The following C2CD5 variants were observed in gnomAD, a reference collection of about 807,000 sequenced individuals.
C2CD5 encodes the protein C2 domain-containing protein 5.
C2CD5 carries 109 observed loss-of-function variants against 130.3 expected under a neutral mutation model. The ratio of observed to expected loss-of-function variants is 0.84; its 90% confidence interval spans 0.72 to 0.98. The LOEUF is 0.98. C2CD5 is among the 50% of genes least tolerant of loss of function. The pLI is 0.00. For missense variants in C2CD5, 996 were observed against 1,261.8 expected (o/e 0.79, Z 3.19); for synonymous variants, 454 against 429.2 (o/e 1.06, Z -0.71).
chr12:22,460,603 G>A (rs1000942673), intron 22 of C2CD5: 2 of 151,884 alleles, frequency 1.3e-5, no homozygotes, highest in African/African-American at 2.4e-5. Context: ...TTGAGACGGA[G>A]TTTTCGTCTT....
intron 10 of C2CD5, chr12:22,497,518 G>A (rs1947176421): frequency 2.5e-6 from 1 of 403,534 alleles, no homozygotes; most frequent in Non-Finnish European, 3.4e-6. Flanking sequence ...TCAAATAAAG[G>A]TTAATACAAT....
At chr12:22,465,485 T>C (rs1941907420) in intron 22 of C2CD5, among the ~76,000 whole-genome samples, 1 of 152,132 alleles carries the variant, frequency 6.6e-6, no homozygotes, top group Admixed American at 6.5e-5. Flanking sequence ...CAGCAACTAA[T>C]AGCTCAAGAT....
intron 5 of C2CD5, among the ~76,000 whole-genome samples, chr12:22,525,367 C>T (rs1288335556): frequency 6.6e-6 from 1 of 152,060 alleles, no homozygotes; most frequent in Non-Finnish European, 1.5e-5. Flanking sequence ...CTTTTAGTGT[C>T]CTATACTACA....
chr12:22,492,229 G>A (rs775592583), intron 11 of C2CD5, among the ~76,000 whole-genome samples: 16 of 152,040 alleles, frequency 1.1e-4, no homozygotes, highest in Non-Finnish European at 2.1e-4. Flanking sequence ...ATAACAGAAG[G>A]TTAAACAGTT....
intron 7 of C2CD5, among the ~76,000 whole-genome samples, chr12:22,520,172 C>T (rs12301586): frequency 0.16 from 24,274 of 152,092 alleles, 3,832 homozygotes; most frequent in African/African-American, 0.41. Context: ...AATTATTTCA[C>T]TGTGCAATGC....
intron 11 of C2CD5, among the ~76,000 whole-genome samples, chr12:22,492,107 TA>T (rs1169691921): frequency 4.6e-5 from 7 of 152,274 alleles, no homozygotes; most frequent in Admixed American, 4.6e-4. Context: ...TATGGCTCTG[TA>T]ATGACCACAT....
intron 14 of C2CD5, among the ~76,000 whole-genome samples, chr12:22,481,410 G>GC (rs750740353): frequency 5.9e-5 from 9 of 152,248 alleles, no homozygotes; most frequent in Non-Finnish European, 8.8e-5. Flanking sequence ...ATGCTGGTTA[G>GC]CAAAGTACCT....
intron 14 of C2CD5, among the ~76,000 whole-genome samples, chr12:22,481,858 C>T (rs1944772537): frequency 7.4e-6 from 1 of 135,564 alleles, no homozygotes; most frequent in Non-Finnish European, 1.5e-5. Context: ...GGTCTAACTT[C>T]TGGGCTCAAG....
intron 3 of C2CD5, among the ~76,000 whole-genome samples, chr12:22,529,790 C>T (rs910578856): frequency 9.9e-5 from 15 of 152,026 alleles, no homozygotes; most frequent in Admixed American, 3.9e-4. Flanking sequence ...AGAAGGCTTG[C>T]TCATCTGAAA....
At chr12:22,525,770 G>A in intron 4 of C2CD5, 65 bp from the exon 5 acceptor site, 1 of 778,098 alleles carries the variant, frequency 1.3e-6, no homozygotes, top group South Asian at 1.5e-5. Flanking sequence ...AAATAATGAA[G>A]CAAATTAATG....
rs147622866 is a variant in C2CD5, at chr12:22,451,343, G to A, written c.3025-1452C>T. 2.8e-3 allele frequency among the ~76,000 whole-genome samples: 427 copies of A among 152,234 alleles called. 3 individuals are homozygous for A. Among genetic ancestry groups the A allele is most frequent in the African/African-American group, 0.01 (423 of 41,558 alleles). On this transcript the variant is annotated intron_variant, in intron 26 of 26. Coordinates refer to ENST00000446597, the MANE Select transcript of C2CD5 (RefSeq NM_001286176.2). ...TATAAAGAGAAAACAGGCCCACTGA[G>A]GCTTCAACCATATTTTTAATATTTT...
rs749044861 is a variant in C2CD5 at position 22,485,547 on chromosome 12, T to G, written c.1359-659A>C. The stretch of plus-strand genomic sequence containing the variant: ...AAAAAGTATTAAAAAAGAAAAATAG[T>G]AAGTCAAAAACAGGCATACTCTAAG... On this transcript the variant is annotated intron_variant, in intron 12 of 26. Transcript: ENST00000446597. 1.3e-5 allele frequency among the ~76,000 whole-genome samples: 2 copies of G among 152,092 alleles called. 1 individual carries two copies. Among genetic ancestry groups the G allele is most frequent in the African/African-American group, 4.8e-5 (2 of 41,438 alleles).
chr12:22,543,133 G>A (rs1466401534), intron 2 of C2CD5, among the ~76,000 whole-genome samples: 2 of 152,148 alleles, frequency 1.3e-5, no homozygotes, highest in Admixed American at 6.5e-5. Context: ...AGATGAAATC[G>A]AGCTATATAT....
At chr12:22,449,957 A>AGG in intron 26 of C2CD5, 66 bp from the exon 27 acceptor site, 1 of 1,395,778 alleles carries the variant, frequency 7.2e-7, no homozygotes, top group Non-Finnish European at 9.9e-7. Context: ...CTGTTACATA[A>AGG]GGGGCAGTGC....
intron 8 of C2CD5, chr12:22,515,148 G>A: frequency 1.6e-5 from 16 of 984,284 alleles, no homozygotes; most frequent in Non-Finnish European, 1.8e-5. Flanking sequence ...TGTGGGTAAG[G>A]TGCTGTGGAG....
intron 24 of C2CD5, among the ~76,000 whole-genome samples, chr12:22,457,421 A>G (rs1327690771): frequency 6.6e-6 from 1 of 152,224 alleles, no homozygotes; most frequent in African/African-American, 2.4e-5. Context: ...ATAGCTACAC[A>G]CACAATGATT....
intron 8 of C2CD5, among the ~76,000 whole-genome samples, chr12:22,516,730 T>G (rs966958058): frequency 4.6e-5 from 7 of 151,744 alleles, no homozygotes; most frequent in African/African-American, 1.7e-4. Flanking sequence ...TTTTTTAAAC[T>G]TATTACTCAA....
intron 2 of C2CD5, among the ~76,000 whole-genome samples, chr12:22,536,670 A>G (rs7302675): frequency 0.16 from 24,368 of 152,170 alleles, 3,857 homozygotes; most frequent in African/African-American, 0.41. Flanking sequence ...ATTTGTTAAG[A>G]GGATGAAGAA....
At chr12:22,530,733 A>T (rs1358405344) in intron 3 of C2CD5, among the ~76,000 whole-genome samples, 1 of 152,142 alleles carries the variant, frequency 6.6e-6, no homozygotes, top group Admixed American at 6.5e-5. Context: ...CCAAGATTAT[A>T]GCTGTGAGCC....
Sources: gnomAD v4.1 joint callset for allele counts (sites outside exome capture counted in the v4.1 genomes callset) on GRCh38, gnomAD v4.1.1 for gene constraint, MANE v1.5 for transcripts, NCBI Gene and HGNC (gene_info 2026-07-23, HGNC 2026-07-21) for gene names.